Variants in PDE12 observed in about 807,000 individuals in gnomAD.
PDE12 encodes the protein 2',5'-phosphodiesterase 12.
Under a neutral mutation model 45.4 loss-of-function variants are expected in PDE12, and 26 were observed. The ratio of observed to expected loss-of-function variants is 0.57; its 90% CI spans 0.42 to 0.79. The LOEUF (loss-of-function observed/expected upper bound fraction) is 0.79. Ranked by LOEUF, PDE12 falls within the 30% of genes least tolerant of loss-of-function variation. PDE12 has a pLI of 0.00. For missense variants in PDE12, 668 were observed against 790.0 expected, an observed-to-expected ratio of 0.85 and a Z score of 1.85; for synonymous variants, 283 against 323.9, an observed-to-expected ratio of 0.87 and a Z score of 1.36.
the PDE12 span, among the ~76,000 whole-genome samples, chr3:57,578,626 C>T: frequency 5.3e-5 from 8 of 152,018 alleles, no homozygotes; most frequent in South Asian, 6.2e-4. Context: ...ACTACAGGTG[C>T]GTGCCACCAC....
chr3:57,595,123 T>C, the PDE12 span, among the ~76,000 whole-genome samples: 24,565 of 152,228 alleles, frequency 0.16, 2,663 homozygotes, highest in East Asian at 0.48. Flanking sequence ...TTCGAATCAT[T>C]TTTTGGGGTG....
chr3:57,603,528 G>A, the PDE12 span, among the ~76,000 whole-genome samples: 1 of 151,814 alleles, frequency 6.6e-6, no homozygotes, highest in Non-Finnish European at 1.5e-5. Context: ...AGTAGAGACA[G>A]GGTTTCACAT....
In PDE12 at chr3:57,559,311, T is replaced by A; in HGVS notation, c.1310T>A (p.Val437Asp). 6.2e-7 allele frequency: 1 copy of A among 1,602,190 alleles called. No individual in the cohort carries two copies. Among genetic ancestry groups the A allele is most frequent in the Non-Finnish European group, 8.5e-7 (1 of 1,173,010 alleles). ...KVLQRSSVLQ[V>D]SVLQSTKDSS... is the part of the protein sequence containing the mutation. ...CTTGGCACTTTCCGTTTATTTTAGGTTTCAGTTCTTCAGTCTACAAAGGAC... is the reference window on the plus strand; with the variant it reads ...CTTGGCACTTTCCGTTTATTTTAGGATTCAGTTCTTCAGTCTACAAAGGAC... The change falls in exon 2 of 3, where the codon GTT becomes GAT. Residue 437 changes from valine (V) to aspartate (D), a missense_variant and splice_region_variant. By Grantham distance (152) the Val-to-Asp change is radical. This residue lies in a region of PDE12 where 580 missense variants were observed against 662.9 expected (regional missense o/e 0.87). Transcript: ENST00000311180.
the PDE12 span, chr3:57,596,991 G>GA: frequency 6.7e-7 from 1 of 1,496,566 alleles, no homozygotes; most frequent in Non-Finnish European, 9.2e-7. Context: ...GCGGGCGGAG[G>GA]AAAAAAACAG....
the PDE12 span, chr3:57,641,540 C>T: frequency 1.3e-6 from 1 of 799,268 alleles, no homozygotes; most frequent in South Asian, 2.8e-5. Flanking sequence ...TACCCTTCTC[C>T]AAAGGCCTTG....
chr3:57,614,542 T>G, the PDE12 span, among the ~76,000 whole-genome samples: 2,949 of 121,938 alleles, frequency 0.024, 50 homozygotes, highest in Non-Finnish European at 0.032. Flanking sequence ...TTTTTGTTTT[T>G]TGTTTTTTTT....
At chr3:57,649,583 A>T in the PDE12 span, among the ~76,000 whole-genome samples, 2 of 151,958 alleles carry the variant, frequency 1.3e-5, no homozygotes, top group Admixed American at 6.6e-5. Context: ...CACAATGCAC[A>T]ATTGCAAAAA....
chr3:57,634,710 T>A, the PDE12 span: 2 of 1,559,148 alleles, frequency 1.3e-6, no homozygotes, highest in Non-Finnish European at 1.7e-6. Context: ...ATACCAGGTT[T>A]GGAATCCAGA....
chr3:57,571,784 T>TGGCA (rs2069845696), downstream of PDE12: 1 of 165,092 alleles, frequency 6.1e-6, no homozygotes, highest in Non-Finnish European at 1.3e-5. Flanking sequence ...AAAATCTTTT[T>TGGCA]GGCAAGGGAG....
the PDE12 span, among the ~76,000 whole-genome samples, chr3:57,646,161 A>C: frequency 6.6e-6 from 1 of 152,220 alleles, no homozygotes; most frequent in South Asian, 2.1e-4. Flanking sequence ...TGGTGCTATA[A>C]TAAGCATTAC....
At chr3:57,640,268 C>CA in the PDE12 span, among the ~76,000 whole-genome samples, 664 of 96,898 alleles carry the variant, frequency 6.9e-3, 4 homozygotes, top group African/African-American at 0.02. Flanking sequence ...GACTCTGTCT[C>CA]AAAAAAAAAA....
chr3:57,604,617 T>TGG, the PDE12 span, among the ~76,000 whole-genome samples: 19 of 8,310 alleles, frequency 2.3e-3, no homozygotes, highest in Non-Finnish European at 2.8e-3. Context: ...TTTTTTTTTT[T>TGG]GGGGGGGGTG....
At chr3:57,572,001 T>C in the PDE12 span, 5 of 478,768 alleles carry the variant, frequency 1.0e-5, no homozygotes, top group Admixed American at 1.8e-4. Flanking sequence ...AAGAGGATAC[T>C]TTTTTCCCAA....
Position 57,562,673 on chromosome 3 carries a change from A to G in PDE12, c.*2669A>G, listed in dbSNP as rs889151059. 1 of 152,252 alleles carries G rather than the reference A, an allele frequency of 6.6e-6. No individual in the cohort carries two copies. Among genetic ancestry groups the G allele is most frequent in the African/African-American group, 2.4e-5 (1 of 41,470 alleles). The allele number at this position is 152,252 out of a possible 1,614,324, so 9.4% of individuals were successfully genotyped here. Reference sequence around the variant, plus strand: ...TTCTTGCTATAGGAATTAACATTCTAGAATTTTATATTGATTATAAAAGAG... The same window carrying G: ...TTCTTGCTATAGGAATTAACATTCTGGAATTTTATATTGATTATAAAAGAG... On this transcript the variant is annotated 3_prime_UTR_variant, in exon 3 of 3. Coordinates refer to ENST00000311180, the MANE Select transcript of PDE12 (RefSeq NM_177966.7).
At chr3:57,636,071 GTTAA>G in the PDE12 span, among the ~76,000 whole-genome samples, 1 of 152,158 alleles carries the variant, frequency 6.6e-6, no homozygotes, top group Admixed American at 6.5e-5. Context: ...CAAAATGTGT[GTTAA>G]TTGACTGTTT....
the PDE12 span, chr3:57,634,698 C>A: frequency 1.3e-6 from 2 of 1,538,150 alleles, no homozygotes; most frequent in South Asian, 2.6e-5. Flanking sequence ...CAATAAAAGT[C>A]AATACCAGGT....
chr3:57,588,119 A>G, the PDE12 span, among the ~76,000 whole-genome samples: 125,993 of 152,158 alleles, frequency 0.83, 52,466 homozygotes, highest in East Asian at 1. Context: ...TCAACTAGCC[A>G]AGATAAGACT....
chr3:57,655,749 C>CA, the PDE12 span, among the ~76,000 whole-genome samples: 2 of 152,192 alleles, frequency 1.3e-5, no homozygotes, highest in Admixed American at 6.5e-5. Flanking sequence ...TCCCCAAATG[C>CA]AAAAAAGTCC....
chr3:57,583,770 G>T, the PDE12 span: 1 of 688,970 alleles, frequency 1.5e-6, no homozygotes, highest in Non-Finnish European at 2.5e-6. Context: ...GAAGAATGTG[G>T]AAGTGGTGAT....
Sources: allele counts gnomAD v4.1 joint callset (sites outside exome capture counted in the v4.1 genomes callset), GRCh38; gene constraint gnomAD v4.1.1; regional missense constraint gnomAD v4.1.1; transcripts MANE v1.5; gene names NCBI Gene and HGNC (gene_info 2026-07-23, HGNC 2026-07-21).